The following CXCL12 variants were observed in gnomAD, a reference collection of about 807,000 sequenced individuals.
The protein encoded by CXCL12 is C-X-C motif chemokine ligand 12.
Under a neutral mutation model 10.7 loss-of-function variants are expected in CXCL12, and 4 were observed. The ratio of observed to expected loss-of-function variants is 0.37; its 90% CI spans 0.18 to 0.86. The LOEUF is 0.86. Among genes scored for constraint, CXCL12 ranks in the 40% least tolerant of loss-of-function variants. The pLI is 0.43. For synonymous variants in CXCL12, 54 were observed against 45.4 expected (o/e 1.19, Z -0.77); for missense variants, 122 against 110.4 (o/e 1.10, Z -0.47).
downstream of CXCL12, among the ~76,000 whole-genome samples, chr10:44,373,743 C>T (rs1020350424): frequency 3.3e-5 from 5 of 152,162 alleles, no homozygotes; most frequent in Non-Finnish European, 5.9e-5. Context: ...GAGGCACTTT[C>T]GTGGCTTCCA....
At chr10:44,370,838 A>G (rs188955671) in exon 4 of CXCL12, 9 of 152,476 alleles carry the variant, frequency 5.9e-5, no homozygotes, top group African/African-American at 1.7e-4. Flanking sequence ...CAGTGCCTGG[A>G]CAGAGGGGGA....
At chr10:44,376,638 T>C (rs1205823614), downstream of CXCL12, among the ~76,000 whole-genome samples, 1 of 152,216 alleles carries the variant, frequency 6.6e-6, no homozygotes, top group Non-Finnish European at 1.5e-5. Flanking sequence ...TTAGAGCAAC[T>C]GGCTCGTGAC....
chr10:44,375,857 G>T (rs1199683230), downstream of CXCL12: 1 of 1,593,222 alleles, frequency 6.3e-7, no homozygotes, highest in East Asian at 2.2e-5. Flanking sequence ...TCTGCATGGG[G>T]GTCTGTCCTG....
intron 1 of CXCL12, among the ~76,000 whole-genome samples, chr10:44,381,433 GCA>G (rs1839628849): frequency 6.6e-6 from 1 of 152,174 alleles, no homozygotes; most frequent in African/African-American, 2.4e-5. Flanking sequence ...GCTCTGGAAG[GCA>G]CAAAAGAATC....
intron 1 of CXCL12, among the ~76,000 whole-genome samples, chr10:44,382,776 G>GA (rs1255476161): frequency 1.3e-5 from 2 of 152,124 alleles, no homozygotes; most frequent in Non-Finnish European, 2.9e-5. Flanking sequence ...GTCAAGCAGC[G>GA]AATTTCAACA....
chr10:44,378,156 A>G lies in CXCL12; in HGVS notation c.*477T>C. 7.0e-7 allele frequency: 1 copy of G among 1,430,628 alleles called. No individual in the cohort carries two copies. Among genetic ancestry groups the G allele is most frequent in the Non-Finnish European group, 9.1e-7 (1 of 1,092,926 alleles). 88.6% of individuals were successfully genotyped at this position (1,430,628 alleles called of 1,614,324 possible). ...CTGCTGCGGGAGCCTCAGTGTCTGA[A>G]GAAAGGACACTTTTTCCAGCTCCCT... On this transcript the variant is annotated 3_prime_UTR_variant, in exon 3 of 3. Transcript: ENST00000343575.
Position 44,380,868 on chromosome 10 carries a change from C to T in CXCL12, c.74G>A (p.Ser25Asn). Residue 25 changes from serine to asparagine, a missense_variant, in exon 2 of 3, where the codon AGC (serine) becomes AAC (asparagine). Ser to Asn is a conservative substitution (Grantham distance 46). Coordinates refer to ENST00000343575, the MANE Select transcript of CXCL12 (RefSeq NM_199168.4). ...TCGGCATGGGCATCTGTAGCTCAGG[C>T]TGACGGGCTTCCCTAGAAGAGGTAA... ...ALCLSDGKPV[S>N]LSYRCPCRFF... 7 of 1,614,200 alleles carry T rather than the reference C, an allele frequency of 4.3e-6. No homozygotes were observed. Among genetic ancestry groups the T allele is most frequent in the Non-Finnish European group, 5.9e-6 (7 of 1,180,040 alleles).
At position 44,377,616 on chromosome 10, in the gene CXCL12, T is replaced by C. The variant is rs1839494189; in HGVS notation, c.*1017A>G. 9.2e-6 allele frequency: 14 copies of C among 1,516,478 alleles called. No homozygotes were observed. The South Asian group carries it at 1.8e-4, about 19-fold the overall frequency. The allele number at this position is 1,516,478 out of a possible 1,614,324, so 93.9% of individuals were successfully genotyped here. A position where few individuals can be genotyped will look rare whatever the true frequency, so the allele number is the denominator to read the frequency against. On this transcript the variant is annotated 3_prime_UTR_variant, in exon 3 of 3. Transcript: ENST00000343575. ...CTTCTGATTTCGGAAACCTCAGAGT[T>C]TGTTAGTGCCTCCATGGCATACATA...
downstream of CXCL12, among the ~76,000 whole-genome samples, chr10:44,375,091 G>A (rs1839417489): frequency 6.6e-6 from 1 of 152,224 alleles, no homozygotes; most frequent in African/African-American, 2.4e-5. Flanking sequence ...AGGCGGGAGG[G>A]GACAGGCTGG....
In CXCL12 at chr10:44,377,456, C is replaced by T. The variant is rs956912859; in HGVS notation, c.*1177G>A. 2.1e-5 allele frequency: 26 copies of T among 1,228,088 alleles called. No homozygotes were observed. The highest frequency in any genetic ancestry group is 2.5e-5 in the Non-Finnish European group (25 of 983,534). 76.1% of individuals were successfully genotyped at this position (1,228,088 alleles called of 1,614,324 possible). A position where few individuals can be genotyped will look rare whatever the true frequency, so the allele number is the denominator to read the frequency against. ...ATGCCTTGCAAAAAGTTACAAATAC[C>T]ACCAGGACCTTCTGTGGATCGCATT... On this transcript the variant is annotated 3_prime_UTR_variant, in exon 3 of 3. Transcript: ENST00000343575.
chr10:44,384,976 G>A lies in CXCL12; in HGVS notation c.30C>T (p.Val10=). MNAKVVVVL[V]LVLTALCLSD... ...TGAGGCAGAGCGCGGTCAGCACGAG[G>A]ACCAGCACGACCACGACCTTGGCGT... Residue 10 remains valine (V), a synonymous_variant, in exon 1 of 3, where the codon GTC becomes GTT. Coordinates refer to ENST00000343575, the MANE Select transcript of CXCL12 (RefSeq NM_199168.4). 7.8e-7 allele frequency: 1 copy of A among 1,285,996 alleles called. No homozygotes were observed. The highest frequency in any genetic ancestry group is 1.6e-5 in the African/African-American group (1 of 62,234). The allele number at this position is 1,285,996 out of a possible 1,614,324, so 79.7% of individuals were successfully genotyped here.
intron 1 of CXCL12, among the ~76,000 whole-genome samples, chr10:44,383,716 C>T (rs1363803816): frequency 6.6e-6 from 1 of 151,746 alleles, no homozygotes; most frequent in African/African-American, 2.4e-5. Flanking sequence ...AGGCAGTCCG[C>T]CACGACCCCA....
At chr10:44,372,692 G>A (rs1839344636), downstream of CXCL12, 3 of 1,416,694 alleles carry the variant, frequency 2.1e-6, no homozygotes, top group Non-Finnish European at 2.8e-6. Context: ...AGAATGATGA[G>A]CAGAACGTGG....
intron 1 of CXCL12, among the ~76,000 whole-genome samples, chr10:44,381,879 C>CT (rs1233458783): frequency 5.3e-5 from 8 of 150,522 alleles, no homozygotes; most frequent in African/African-American, 9.8e-5. Context: ...TTTCTTTTTT[C>CT]TTTTTTTTTA....
At chr10:44,373,472 T>C, downstream of CXCL12, 2 of 794,568 alleles carry the variant, frequency 2.5e-6, no homozygotes, top group South Asian at 2.9e-5. Context: ...ACCTTGGCCA[T>C]GCATCTCCCT....
rs1839516171 is a variant in CXCL12 at position 44,378,189 on chromosome 10, C to T, written c.*444G>A. 3 of 1,419,650 alleles carry T rather than the reference C, an allele frequency of 2.1e-6. No homozygotes were observed. Among genetic ancestry groups the T allele is most frequent in the African/African-American group, 1.4e-5 (1 of 70,170 alleles). The allele number at this position is 1,419,650 out of a possible 1,614,324, so 87.9% of individuals were successfully genotyped here. Reference sequence around the variant, plus strand: ...CACTTTTTCCAGCTCCCTGTTAAGCCACCACCTGACTGTGCCCAGACTCCC... The same window carrying T: ...CACTTTTTCCAGCTCCCTGTTAAGCTACCACCTGACTGTGCCCAGACTCCC... On this transcript the variant is annotated 3_prime_UTR_variant, in exon 3 of 3. Transcript: ENST00000343575.
downstream of CXCL12, among the ~76,000 whole-genome samples, chr10:44,373,506 G>A (rs375215160): frequency 7.2e-5 from 11 of 152,350 alleles, no homozygotes; most frequent in African/African-American, 1.7e-4. Flanking sequence ...GACAACAGAC[G>A]GGAGGGGAGT....
At chr10:44,373,388 C>A (rs375688266), downstream of CXCL12, 95 of 1,539,040 alleles carry the variant, frequency 6.2e-5, no homozygotes, top group African/African-American at 1.2e-3. Context: ...CAGGTTCCCC[C>A]CACACCCAGC....
intron 1 of CXCL12, 51 bp downstream of exon 1, chr10:44,384,894 G>A: frequency 6.7e-7 from 1 of 1,499,632 alleles, no homozygotes; most frequent in South Asian, 1.2e-5. Context: ...TGCGCCGGGC[G>A]GGAGCCGAAG....
Sources: gnomAD v4.1 joint callset for allele counts (sites outside exome capture counted in the v4.1 genomes callset) on GRCh38, gnomAD v4.1.1 for gene constraint, MANE v1.5 for transcripts, NCBI Gene and HGNC (gene_info 2026-07-23, HGNC 2026-07-21) for gene names.